Variants in CLRN2 observed in about 807,000 individuals in gnomAD.
CLRN2 encodes clarin-2.
CLRN2 carries 17 observed loss-of-function variants against 20.1 expected under a neutral mutation model. The ratio of observed to expected loss-of-function variants is 0.85; its 90% CI spans 0.58 to 1.27. CLRN2 has a LOEUF of 1.27. Ranked by LOEUF, CLRN2 falls within the 50% of genes most tolerant of loss-of-function variation. The pLI is 0.00. For missense variants in CLRN2, 288 were observed against 299.5 expected (o/e 0.96, Z 0.28); for synonymous variants, 140 against 126.9 (o/e 1.10, Z -0.70).
intron 2 of CLRN2, among the ~76,000 whole-genome samples, 187 bp from the exon 3 acceptor site, chr4:17,526,630 G>A (rs1034125231): frequency 2.6e-5 from 4 of 152,158 alleles, no homozygotes; most frequent in South Asian, 4.1e-4. Flanking sequence ...CTCTTTCCCC[G>A]CACAATCCTG....
rs1711872571 is a variant in CLRN2 at position 17,523,060 on chromosome 4, G to A, written c.433+17G>A. 1.9e-6 allele frequency: 3 copies of A among 1,596,446 alleles called. No homozygotes were observed. Among genetic ancestry groups the A allele is most frequent in the Non-Finnish European group, 2.6e-6 (3 of 1,168,928 alleles). On this transcript the variant is annotated intron_variant, in intron 2 of 2. Coordinates refer to ENST00000511148, the MANE Select transcript of CLRN2 (RefSeq NM_001079827.2). ...TCCTGGCAGGTAAGAAGTCCCTTAG[G>A]GAGAGAAAATTATGTCCACACCATC...
At chr4:17,526,687 A>C (rs537025106) in intron 2 of CLRN2, 130 bp from the exon 3 acceptor site, 1 of 1,066,232 alleles carries the variant, frequency 9.4e-7, no homozygotes, top group South Asian at 1.6e-5. Context: ...TTTAAAAGCA[A>C]ATTAAAACTT....
Position 17,515,493 on chromosome 4 carries a change from T to C in CLRN2, c.227T>C (p.Leu76Pro). The change falls in exon 1 of 3, where the codon CTT becomes CCT. Residue 76 changes from leucine (L) to proline (P), a missense_variant. Leu to Pro is a moderately conservative substitution (Grantham distance 98, BLOSUM62 -3). Transcript: ENST00000511148. The stretch of plus-strand genomic sequence containing the variant: ...GGGTGTAAAGTGCGGCAGTGTGGGC[T>C]TGGGGGCCGCCAATCCCAATTCACG... ...FRGCKVRQCG[L>P]GGRQSQFTIF... The C allele has an allele frequency of 3.7e-6, 6 of 1,613,882 alleles. No individual in the cohort carries two copies. The highest frequency in any genetic ancestry group is 5.1e-6 in the Non-Finnish European group (6 of 1,179,850).
At chr4:17,525,039 T>C (rs1711942218) in intron 2 of CLRN2, among the ~76,000 whole-genome samples, 1 of 152,142 alleles carries the variant, frequency 6.6e-6, no homozygotes, top group Non-Finnish European at 1.5e-5. Context: ...CACTGTAGTG[T>C]CAGAAGGCAG....
At chr4:17,519,741 T>C (rs1044171291) in intron 1 of CLRN2, among the ~76,000 whole-genome samples, 4 of 152,190 alleles carry the variant, frequency 2.6e-5, no homozygotes, top group African/African-American at 7.2e-5. Flanking sequence ...GAAAGGCAAG[T>C]GAGCAACAGC....
rs1711633832 is a variant in CLRN2, at chr4:17,515,433, A to C, written c.167A>C (p.Lys56Thr). The change falls in exon 1 of 3, where the codon AAG (lysine) becomes ACG (threonine). Residue 56 changes from lysine to threonine, a missense_variant. Lys to Thr is a moderately conservative substitution (Grantham distance 78, BLOSUM62 -1). Transcript: ENST00000511148. ...AACGCCACAGACAGAGAGCTGGTCA[A>C]GTTCATTGGGGACATTTACTACGGG... ...LVNATDRELV[K>T]FIGDIYYGLF... is the part of the protein sequence containing the mutation. 1.2e-6 allele frequency: 2 copies of C among 1,613,810 alleles called. No individual in the cohort carries two copies. Among genetic ancestry groups the C allele is most frequent in the Non-Finnish European group, 1.7e-6 (2 of 1,179,890 alleles).
Position 17,526,821 on chromosome 4 carries a change from C to T in CLRN2, c.438C>T (p.Gly146=), listed in dbSNP as rs759523940. Residue 146 remains glycine (G), a synonymous_variant, in exon 3 of 3, where the codon GGC becomes GGT. Coordinates refer to ENST00000511148, the MANE Select transcript of CLRN2 (RefSeq NM_001079827.2). ...GGTGACCTTTTTGAGTTTCAGGCGG[C>T]GTCGTGGCGTTAGCCATCGCCAGCT... ...GICLWNVLAG[G]VVALAIASFV... 6 of 1,613,856 alleles carry T rather than the reference C, an allele frequency of 3.7e-6. No homozygotes were observed. The highest frequency in any genetic ancestry group is 3.3e-5 in the South Asian group (3 of 91,090).
chr4:17,515,640 C>T (rs1479251466), intron 1 of CLRN2, 121 bp downstream of exon 1: 19 of 1,070,304 alleles, frequency 1.8e-5, no homozygotes, highest in Non-Finnish European at 2.4e-5. Flanking sequence ...ATGTCAAAGT[C>T]CACAGTGAGC....
intron 1 of CLRN2, among the ~76,000 whole-genome samples, chr4:17,516,408 G>C (rs1203680228): frequency 6.6e-6 from 1 of 152,190 alleles, no homozygotes; most frequent in Non-Finnish European, 1.5e-5. Flanking sequence ...GCACAAAACC[G>C]TAATTAATCA....
intron 1 of CLRN2, among the ~76,000 whole-genome samples, chr4:17,518,933 T>A (rs1711763431): frequency 6.6e-6 from 1 of 152,222 alleles, no homozygotes; most frequent in African/African-American, 2.4e-5. Context: ...ATTTTACTGA[T>A]GAGGAAATTA....
Position 17,522,995 on chromosome 4 carries a change from C to CG in CLRN2, c.388dup (p.Ala130GlyfsTer57). 6.2e-7 allele frequency: 1 copy of CG among 1,613,734 alleles called. No homozygotes were observed. Among genetic ancestry groups the CG allele is most frequent in the Non-Finnish European group, 8.5e-7 (1 of 1,179,874 alleles). On this transcript the variant is annotated frameshift_variant, in exon 2 of 3. Coordinates refer to ENST00000511148, the MANE Select transcript of CLRN2 (RefSeq NM_001079827.2). LOFTEE classifies it high-confidence loss of function. ...TCTTAACATGATCCAGGTCCCGTAC[C>CG]GGGCAGTCAGCGGTCCTGGGGGCAT...
chr4:17,518,133 C>T (rs573630384), intron 1 of CLRN2, among the ~76,000 whole-genome samples: 86 of 151,998 alleles, frequency 5.7e-4, no homozygotes, highest in African/African-American at 2.0e-3. Flanking sequence ...GCTTTGCAAA[C>T]TCTGGGATGG....
At chr4:17,526,486 A>C (rs1973003) in intron 2 of CLRN2, among the ~76,000 whole-genome samples, 1 of 152,088 alleles carries the variant, frequency 6.6e-6, no homozygotes, top group South Asian at 2.1e-4. Context: ...CTTGAACCCG[A>C]GAGGCAGAGG....
At chr4:17,518,872 G>A (rs1711761640) in intron 1 of CLRN2, among the ~76,000 whole-genome samples, 1 of 152,158 alleles carries the variant, frequency 6.6e-6, no homozygotes, top group Non-Finnish European at 1.5e-5. Flanking sequence ...TTGCCTTGTA[G>A]TTCATTTCCT....
In CLRN2 at chr4:17,523,135, T is replaced by A. The variant is rs1046288032; in HGVS notation, c.433+92T>A. ...GGCAGAAGGTGTGAAGGAACTAAAA[T>A]GCCCCACTGGAGCCTTGACCTTCCT... is the stretch of plus-strand genomic sequence containing the variant. On this transcript the variant is annotated intron_variant, in intron 2 of 2. Coordinates refer to ENST00000511148, the MANE Select transcript of CLRN2 (RefSeq NM_001079827.2). 7 of 1,087,648 alleles carry A rather than the reference T, an allele frequency of 6.4e-6. No homozygotes were observed. In the African/African-American group the frequency reaches 1.1e-4, roughly 17 times the overall value. The allele number at this position is 1,087,648 out of a possible 1,614,324, so 67.4% of individuals were successfully genotyped here.
At position 17,515,253 on chromosome 4, in the gene CLRN2, C is replaced by A. The variant is rs753006340; in HGVS notation, c.-14C>A. On this transcript the variant is annotated 5_prime_UTR_variant, in exon 1 of 3. In the 5' UTR this introduces an upstream ATG that the reference lacks. Transcript: ENST00000511148. Reference sequence around the variant, plus strand: ...GCTGCTCGGAGACCTTGGGGATGACCTGCACCCACTAGCATGCCTGGATGG... The same window carrying A: ...GCTGCTCGGAGACCTTGGGGATGACATGCACCCACTAGCATGCCTGGATGG... 1 of 1,612,666 alleles carries A rather than the reference C, an allele frequency of 6.2e-7. No individual in the cohort carries two copies. The highest frequency in any genetic ancestry group is 2.2e-5 in the East Asian group (1 of 44,860).
At chr4:17,515,555 C>T (rs751545140) in intron 1 of CLRN2, 36 bp downstream of exon 1, 1 of 1,603,166 alleles carries the variant, frequency 6.2e-7, no homozygotes, top group Non-Finnish European at 8.5e-7. Flanking sequence ...TGATTCTAGG[C>T]ACTCATTTTT....
intron 2 of CLRN2, among the ~76,000 whole-genome samples, chr4:17,526,437 G>A (rs1460818362): frequency 6.6e-6 from 1 of 152,128 alleles, no homozygotes. Flanking sequence ...ACAGGCACCT[G>A]TAGTCCCAGC....
chr4:17,517,808 G>A (rs77576967), intron 1 of CLRN2, among the ~76,000 whole-genome samples: 1 of 152,112 alleles, frequency 6.6e-6, no homozygotes, highest in East Asian at 1.9e-4. Context: ...ACATCCATTC[G>A]CAGTACCTTG....
Sources: allele counts gnomAD v4.1 joint callset (sites outside exome capture counted in the v4.1 genomes callset), GRCh38; gene constraint gnomAD v4.1.1; transcripts MANE v1.5; gene names NCBI Gene and HGNC (gene_info 2026-07-23, HGNC 2026-07-21).